ASIC2: variants seen among roughly 807,000 people sequenced by gnomAD.
ASIC2 encodes acid-sensing ion channel 2.
A neutral mutation model predicts 57.3 loss-of-function variants in ASIC2; 25 were observed. The ratio of observed to expected loss-of-function variants is 0.44; its 90% CI spans 0.32 to 0.61. The LOEUF is 0.61. Among genes scored for constraint, ASIC2 ranks in the 20% least tolerant of loss-of-function variants. ASIC2 has a pLI of 0.06. For missense variants in ASIC2, 641 were observed against 738.1 expected (o/e 0.87, Z 1.52); for synonymous variants, 319 against 307.5 (o/e 1.04, Z -0.39).
intron 1 of ASIC2, among the ~76,000 whole-genome samples, chr17:33,893,943 C>T (rs1321902454): frequency 6.6e-6 from 1 of 152,216 alleles, no homozygotes; most frequent in Admixed American, 6.5e-5. Flanking sequence ...CAAAGCCTCA[C>T]CTCAGTCAAA....
chr17:34,067,553 C>T (rs1313267737), intron 1 of ASIC2, among the ~76,000 whole-genome samples: 2 of 152,108 alleles, frequency 1.3e-5, no homozygotes, highest in Non-Finnish European at 2.9e-5. Flanking sequence ...AGTATGAATA[C>T]TTTGGCCCAA....
intron 1 of ASIC2, among the ~76,000 whole-genome samples, chr17:33,278,547 T>C (rs1038134429): frequency 5.3e-5 from 8 of 151,768 alleles, no homozygotes; most frequent in African/African-American, 1.9e-4. Context: ...ATAGTTCTGG[T>C]TTGGAGTGAG....
At chr17:33,924,522 C>T (rs1334047946) in intron 1 of ASIC2, among the ~76,000 whole-genome samples, 1 of 152,222 alleles carries the variant, frequency 6.6e-6, no homozygotes, top group Non-Finnish European at 1.5e-5. Context: ...TAACTGGGAG[C>T]CTCTCTAGAG....
At chr17:33,787,489 C>T (rs1178925561) in intron 1 of ASIC2, among the ~76,000 whole-genome samples, 1 of 152,144 alleles carries the variant, frequency 6.6e-6, no homozygotes, top group African/African-American at 2.4e-5. Flanking sequence ...ACCAAAGGAT[C>T]CAATACACTT....
chr17:33,376,680 T>C (rs1380616398), intron 1 of ASIC2, among the ~76,000 whole-genome samples: 1 of 152,138 alleles, frequency 6.6e-6, no homozygotes, highest in Non-Finnish European at 1.5e-5. Flanking sequence ...GAATCCATGA[T>C]CTTGACCATT....
intron 3 of ASIC2, among the ~76,000 whole-genome samples, chr17:33,076,984 T>C (rs541422673): frequency 6.6e-6 from 1 of 152,286 alleles, no homozygotes; most frequent in East Asian, 1.9e-4. Context: ...TGCATGCTTT[T>C]TTATTTTATG....
At chr17:34,055,269 A>G (rs1908724910) in intron 1 of ASIC2, among the ~76,000 whole-genome samples, 1 of 152,216 alleles carries the variant, frequency 6.6e-6, no homozygotes, top group African/African-American at 2.4e-5. Flanking sequence ...AATTTCCAAC[A>G]TTTACAAAGT....
intron 1 of ASIC2, among the ~76,000 whole-genome samples, chr17:33,917,647 T>C (rs991699619): frequency 6.6e-6 from 1 of 152,188 alleles, no homozygotes; most frequent in Non-Finnish European, 1.5e-5. Context: ...TTAATGAAAA[T>C]CTTATAATAA....
intron 1 of ASIC2, among the ~76,000 whole-genome samples, chr17:33,465,788 C>G (rs1912844465): frequency 6.6e-6 from 1 of 152,202 alleles, no homozygotes; most frequent in Non-Finnish European, 1.5e-5. Flanking sequence ...TGCCTAGCCA[C>G]ACAGGGAGAT....
intron 1 of ASIC2, among the ~76,000 whole-genome samples, chr17:33,650,415 T>C (rs1029118864): frequency 1.2e-4 from 19 of 152,164 alleles, no homozygotes; most frequent in African/African-American, 4.3e-4. Context: ...CCCTGGAAAG[T>C]TGCAATTTCT....
intron 1 of ASIC2, among the ~76,000 whole-genome samples, chr17:33,419,825 T>C (rs1910983172): frequency 6.6e-6 from 1 of 152,046 alleles, no homozygotes; most frequent in Admixed American, 6.6e-5. Context: ...AAGAATGAGG[T>C]TCATCTAGTC....
chr17:34,145,801 C>T (rs1048400759), intron 1 of ASIC2, among the ~76,000 whole-genome samples: 2 of 152,244 alleles, frequency 1.3e-5, no homozygotes, highest in Admixed American at 6.5e-5. Flanking sequence ...GGAGCATCAC[C>T]TCTGGTCAGC....
chr17:33,823,350 G>T (rs117391124), intron 1 of ASIC2, among the ~76,000 whole-genome samples: 1 of 152,214 alleles, frequency 6.6e-6, no homozygotes, highest in African/African-American at 2.4e-5. Flanking sequence ...ATGGAAATTT[G>T]TGGGGTTGGG....
At chr17:34,122,338 C>A (rs1161636812) in intron 1 of ASIC2, among the ~76,000 whole-genome samples, 3 of 152,200 alleles carry the variant, frequency 2.0e-5, no homozygotes, top group Non-Finnish European at 2.9e-5. Flanking sequence ...CCAGCCCAGG[C>A]AGCCGACTCC....
intron 1 of ASIC2, among the ~76,000 whole-genome samples, chr17:33,175,024 C>T (rs957587545): frequency 6.6e-6 from 1 of 152,112 alleles, no homozygotes; most frequent in Non-Finnish European, 1.5e-5. Flanking sequence ...AAATTTAAAA[C>T]CCTGAGCAAT....
chr17:33,087,575 G>GCTT (rs1555569307), intron 3 of ASIC2, among the ~76,000 whole-genome samples: 1 of 111,044 alleles, frequency 9.0e-6, no homozygotes, highest in Non-Finnish European at 1.7e-5. Flanking sequence ...TACAACCAGT[G>GCTT]TTTTTTTTTT....
intron 1 of ASIC2, among the ~76,000 whole-genome samples, chr17:33,139,622 T>C (rs987833673): frequency 3.3e-5 from 5 of 152,266 alleles, no homozygotes; most frequent in Non-Finnish European, 7.4e-5. Flanking sequence ...TCTGCTGGTT[T>C]GTTGCTGATG....
chr17:33,464,217 G>C (rs1437133869), intron 1 of ASIC2, among the ~76,000 whole-genome samples: 1 of 152,142 alleles, frequency 6.6e-6, no homozygotes, highest in Non-Finnish European at 1.5e-5. Flanking sequence ...CTGCTCAGTG[G>C]CTTCTGGTTT....
At chr17:33,536,741 T>C (rs180821543) in intron 1 of ASIC2, among the ~76,000 whole-genome samples, 6 of 152,342 alleles carry the variant, frequency 3.9e-5, no homozygotes, top group Non-Finnish European at 8.8e-5. Flanking sequence ...GTGCAGTGGC[T>C]CATGCCTGTA....
Sources: gnomAD v4.1 joint callset for allele counts (sites outside exome capture counted in the v4.1 genomes callset) on GRCh38, gnomAD v4.1.1 for gene constraint, MANE v1.5 for transcripts, NCBI Gene and HGNC (gene_info 2026-07-23, HGNC 2026-07-21) for gene names.